The following KCTD8 variants were observed in gnomAD, a reference collection of about 807,000 sequenced individuals.
KCTD8 encodes potassium channel tetramerization domain containing 8, also known as BTB/POZ domain-containing protein KCTD8.
In KCTD8, 27 loss-of-function variants were observed where a neutral mutation model predicts 31.5. The ratio of observed to expected loss-of-function variants is 0.86; its 90% CI spans 0.63 to 1.18. The LOEUF is 1.18. Among genes scored for constraint, KCTD8 ranks in the 50% most tolerant of loss-of-function variants. The probability of loss-of-function intolerance (pLI) is 0.00; values close to 1 mark genes in which losing one functional copy is unlikely to be tolerated. For missense variants in KCTD8, 658 were observed against 647.7 expected, an observed-to-expected ratio of 1.02 and a Z score of -0.17; for synonymous variants, 290 against 280.0, an observed-to-expected ratio of 1.04 and a Z score of -0.36.
At chr4:44,279,699 A>C (rs1351040181) in intron 1 of KCTD8, among the ~76,000 whole-genome samples, 2 of 152,102 alleles carry the variant, frequency 1.3e-5, no homozygotes, top group East Asian at 3.9e-4. Flanking sequence ...TGTGAGGATC[A>C]AGTAAGTAAA....
At chr4:44,435,590 G>C (rs1158788182) in intron 1 of KCTD8, among the ~76,000 whole-genome samples, 1 of 151,938 alleles carries the variant, frequency 6.6e-6, no homozygotes, top group Non-Finnish European at 1.5e-5. Context: ...TCATTTCTAT[G>C]ACATACACAT....
chr4:44,415,350 C>T (rs2109466698), intron 1 of KCTD8, among the ~76,000 whole-genome samples: 1 of 151,938 alleles, frequency 6.6e-6, no homozygotes, highest in East Asian at 1.9e-4. Context: ...GCAGGCTGGC[C>T]CTGTGGTAGA....
rs71188270 is a variant in KCTD8 at position 44,316,795 on chromosome 4, G to GAAAAAAAAAAA, written c.961+130757_961+130767dup. ...GAAACCCCATCTCTACTAAAAATAC[G>GAAAAAAAAAAA]AAAAAAAAAAAAAAAAAAAAAAAAA... On this transcript the variant is annotated intron_variant, in intron 1 of 1. Coordinates refer to ENST00000360029, the MANE Select transcript of KCTD8 (RefSeq NM_198353.3). 2.5e-3 allele frequency among the ~76,000 whole-genome samples: 99 copies of GAAAAAAAAAAA among 40,358 alleles called. 12 individuals carry two copies. Among genetic ancestry groups the GAAAAAAAAAAA allele is most frequent in the Non-Finnish European group, 5.3e-3 (81 of 15,356 alleles). The allele number at this position is 40,358 out of a possible 152,430, so 26.5% of individuals were successfully genotyped here.
chr4:44,201,189 C>T (rs528174107), intron 1 of KCTD8, among the ~76,000 whole-genome samples: 1 of 152,114 alleles, frequency 6.6e-6, no homozygotes, highest in African/African-American at 2.4e-5. Context: ...ACCTTCCATG[C>T]TTATGGATTT....
rs185040795 is a variant in KCTD8 at position 44,363,277 on chromosome 4, A to G, written c.961+84286T>C. ...AAGCCATATCAAAGTTTTGGAACTA[A>G]GAGAAATACTTCCAAGTTATTTATT... On this transcript the variant is annotated intron_variant, in intron 1 of 1. Coordinates refer to ENST00000360029, the MANE Select transcript of KCTD8 (RefSeq NM_198353.3). Among the ~76,000 whole-genome samples, 2 of 152,256 alleles carry G rather than the reference A, an allele frequency of 1.3e-5. 1 individual carries two copies. The highest frequency in any genetic ancestry group is 3.9e-4 in the East Asian group (2 of 5,182).
At chr4:44,305,662 A>T (rs1227872924) in intron 1 of KCTD8, among the ~76,000 whole-genome samples, 1 of 151,908 alleles carries the variant, frequency 6.6e-6, no homozygotes, top group Non-Finnish European at 1.5e-5. Context: ...AAACAATTCA[A>T]TGAGTCAGTA....
At chr4:44,439,387 A>G (rs984379008) in intron 1 of KCTD8, among the ~76,000 whole-genome samples, 1 of 152,164 alleles carries the variant, frequency 6.6e-6, no homozygotes, top group Non-Finnish European at 1.5e-5. Context: ...ACTGGTTACA[A>G]TATGGTAGAA....
chr4:44,253,956 C>T (rs566354551), intron 1 of KCTD8, among the ~76,000 whole-genome samples: 8 of 151,616 alleles, frequency 5.3e-5, no homozygotes, highest in Admixed American at 2.0e-4. Context: ...AAACTATTGG[C>T]GCAAAGTGGA....
chr4:44,342,420 C>T (rs769250238), intron 1 of KCTD8, among the ~76,000 whole-genome samples: 1 of 151,180 alleles, frequency 6.6e-6, no homozygotes, highest in Non-Finnish European at 1.5e-5. Flanking sequence ...CAGTAGGTCT[C>T]GACAGTGGGC....
intron 1 of KCTD8, among the ~76,000 whole-genome samples, chr4:44,271,064 A>G (rs1295539010): frequency 6.6e-6 from 1 of 152,126 alleles, no homozygotes; most frequent in African/African-American, 2.4e-5. Flanking sequence ...CACATATCAC[A>G]AAGAGGCGTG....
intron 1 of KCTD8, among the ~76,000 whole-genome samples, chr4:44,201,074 T>C (rs921848982): frequency 9.3e-5 from 14 of 150,556 alleles, no homozygotes; most frequent in East Asian, 3.9e-4. Context: ...ACAAAGAAAA[T>C]GAAAAACCTA....
At chr4:44,340,516 G>C (rs1718869416) in intron 1 of KCTD8, among the ~76,000 whole-genome samples, 1 of 138,060 alleles carries the variant, frequency 7.2e-6, no homozygotes, top group Non-Finnish European at 1.6e-5. Context: ...CACCGTGTTA[G>C]CCAGGATGGT....
chr4:44,175,326 TA>T, intron 1 of KCTD8, 76 bp from the exon 2 acceptor site: 1 of 841,006 alleles, frequency 1.2e-6, no homozygotes. Context: ...AAATGAACTC[TA>T]TATTTTCTAT....
chr4:44,215,392 C>A (rs911199582), intron 1 of KCTD8, among the ~76,000 whole-genome samples: 1 of 152,076 alleles, frequency 6.6e-6, no homozygotes, highest in Non-Finnish European at 1.5e-5. Context: ...TATAAAATGA[C>A]AGAATTATTG....
chr4:44,244,853 G>T (rs1047935810), intron 1 of KCTD8, among the ~76,000 whole-genome samples: 2 of 151,204 alleles, frequency 1.3e-5, no homozygotes, highest in Non-Finnish European at 2.9e-5. Context: ...GTTGTGGGGG[G>T]GGGGGGGTCT....
At chr4:44,217,397 A>C (rs1010558817) in intron 1 of KCTD8, among the ~76,000 whole-genome samples, 1 of 152,186 alleles carries the variant, frequency 6.6e-6, no homozygotes, top group African/African-American at 2.4e-5. Flanking sequence ...TTATTGGCTA[A>C]AAGAGAAAGA....
chr4:44,346,475 C>T (rs2109421681), intron 1 of KCTD8, among the ~76,000 whole-genome samples: 1 of 152,164 alleles, frequency 6.6e-6, no homozygotes, highest in East Asian at 1.9e-4. Context: ...AAATTCTAGC[C>T]ACTGATTTCA....
intron 1 of KCTD8, among the ~76,000 whole-genome samples, chr4:44,180,078 C>G (rs1713334103): frequency 6.6e-6 from 1 of 152,098 alleles, no homozygotes; most frequent in Non-Finnish European, 1.5e-5. Flanking sequence ...AACAACATGA[C>G]TATTAGAAAT....
At chr4:44,230,876 A>T (rs1715100554) in intron 1 of KCTD8, among the ~76,000 whole-genome samples, 2 of 152,140 alleles carry the variant, frequency 1.3e-5, no homozygotes, top group Admixed American at 1.3e-4. Context: ...AACAGCTATC[A>T]TTTGGGAATA....
Sources: allele counts gnomAD v4.1 joint callset (sites outside exome capture counted in the v4.1 genomes callset), GRCh38; gene constraint gnomAD v4.1.1; transcripts MANE v1.5; gene names NCBI Gene and HGNC (gene_info 2026-07-23, HGNC 2026-07-21).